Variants in PRELID2 observed in about 807,000 individuals in gnomAD.
The protein encoded by PRELID2 is PRELI domain-containing protein 2.
In PRELID2, 25 loss-of-function variants were observed where a neutral mutation model predicts 28.4. That is an observed-to-expected ratio of 0.88 (90% CI 0.64 to 1.23). PRELID2 has a LOEUF of 1.23. Among genes scored for constraint, PRELID2 ranks in the 50% most tolerant of loss-of-function variants. PRELID2 has a pLI of 0.00. For synonymous variants in PRELID2, 76 were observed against 71.6 expected, an observed-to-expected ratio of 1.06 and a Z score of -0.31; for missense variants, 201 against 214.4, an observed-to-expected ratio of 0.94 and a Z score of 0.39.
chr5:145,424,392 C>T, the PRELID2 span, among the ~76,000 whole-genome samples: 4 of 152,208 alleles, frequency 2.6e-5, no homozygotes, highest in African/African-American at 2.4e-5. Flanking sequence ...AGCGAGACTC[C>T]GTGAGCGTTG....
At chr5:145,746,491 T>C (rs1053251120) in intron 1 of PRELID2, among the ~76,000 whole-genome samples, 3 of 152,076 alleles carry the variant, frequency 2.0e-5, no homozygotes, top group African/African-American at 7.2e-5. Context: ...CTGTTCTAAA[T>C]ATATATATGT....
intron 5 of PRELID2, among the ~76,000 whole-genome samples, chr5:145,772,752 A>G (rs1363311536): frequency 6.6e-6 from 1 of 152,248 alleles, no homozygotes; most frequent in African/African-American, 2.4e-5. Flanking sequence ...TAGCAGGTAC[A>G]TAGCAAGAGC....
the PRELID2 span, among the ~76,000 whole-genome samples, chr5:145,370,624 C>T: frequency 3.3e-5 from 5 of 151,780 alleles, no homozygotes; most frequent in Admixed American, 6.6e-5. Context: ...TGATTCCGTA[C>T]GAAATTTAAA....
chr5:145,391,730 AC>A, the PRELID2 span, among the ~76,000 whole-genome samples: 1 of 151,238 alleles, frequency 6.6e-6, no homozygotes, highest in African/African-American at 2.4e-5. Flanking sequence ...GATTTTTCAA[AC>A]CTTTATGCTC....
the PRELID2 span, among the ~76,000 whole-genome samples, chr5:145,235,026 G>A: frequency 6.6e-6 from 1 of 152,068 alleles, no homozygotes; most frequent in South Asian, 2.1e-4. Context: ...GTAATATTTT[G>A]TATCAAAGGG....
At chr5:145,356,378 TC>T in the PRELID2 span, among the ~76,000 whole-genome samples, 1 of 152,022 alleles carries the variant, frequency 6.6e-6, no homozygotes, top group Non-Finnish European at 1.5e-5. Flanking sequence ...TAAAATAATA[TC>T]CCGCTATTAT....
At chr5:145,596,710 T>A (rs995831424) in intron 1 of PRELID2, among the ~76,000 whole-genome samples, 6 of 152,140 alleles carry the variant, frequency 3.9e-5, no homozygotes, top group Non-Finnish European at 7.4e-5. Context: ...ACATCAGAGT[T>A]CGTACATGAG....
chr5:145,583,785 A>G (rs955598591), intron 1 of PRELID2, among the ~76,000 whole-genome samples: 3 of 152,160 alleles, frequency 2.0e-5, no homozygotes, highest in Non-Finnish European at 2.9e-5. Context: ...CCAAGAAATC[A>G]GAAAGGACAC....
the PRELID2 span, among the ~76,000 whole-genome samples, chr5:145,280,772 C>T: frequency 6.7e-5 from 10 of 148,608 alleles, no homozygotes; most frequent in African/African-American, 2.0e-4. Context: ...TCTTGTGGAA[C>T]CTTTTAGTAA....
At chr5:145,521,384 A>G (rs1752561850) in intron 1 of PRELID2, among the ~76,000 whole-genome samples, 1 of 152,162 alleles carries the variant, frequency 6.6e-6, no homozygotes. Flanking sequence ...GGGCCTGTTA[A>G]TGCTTGAATG....
chr5:145,708,985 G>A (rs914495606), intron 1 of PRELID2, among the ~76,000 whole-genome samples: 1 of 152,230 alleles, frequency 6.6e-6, no homozygotes, highest in African/African-American at 2.4e-5. Flanking sequence ...GTTGTGAGAT[G>A]CATGAGCTTT....
intron 1 of PRELID2, among the ~76,000 whole-genome samples, chr5:145,613,645 A>T (rs1255855044): frequency 6.6e-6 from 1 of 151,934 alleles, no homozygotes; most frequent in East Asian, 1.9e-4. Flanking sequence ...AGAATTGTCT[A>T]TTCTTAACCC....
At chr5:145,238,759 T>C in the PRELID2 span, among the ~76,000 whole-genome samples, 1 of 152,054 alleles carries the variant, frequency 6.6e-6, no homozygotes, top group Admixed American at 6.6e-5. Flanking sequence ...CCACAATCCA[T>C]ACATTTCTAA....
chr5:145,298,400 G>T, the PRELID2 span, among the ~76,000 whole-genome samples: 2 of 152,108 alleles, frequency 1.3e-5, no homozygotes, highest in Non-Finnish European at 2.9e-5. Context: ...ATGGTGCTGG[G>T]AAAACTGGCT....
At chr5:145,378,662 G>C in the PRELID2 span, among the ~76,000 whole-genome samples, 1 of 151,990 alleles carries the variant, frequency 6.6e-6, no homozygotes. Flanking sequence ...TTCTATACTG[G>C]CTATTTTGTC....
chr5:145,774,719 C>G (rs1016015150), intron 5 of PRELID2, among the ~76,000 whole-genome samples: 2 of 152,208 alleles, frequency 1.3e-5, no homozygotes, highest in African/African-American at 4.8e-5. Context: ...TTAGGCCCAG[C>G]AGGGTAAACC....
chr5:145,329,109 G>A, the PRELID2 span, among the ~76,000 whole-genome samples: 1 of 152,036 alleles, frequency 6.6e-6, no homozygotes, highest in Non-Finnish European at 1.5e-5. Context: ...TATTTCTGAA[G>A]CCTCTGTTCT....
the PRELID2 span, among the ~76,000 whole-genome samples, chr5:145,447,860 C>G: frequency 6.8e-6 from 1 of 146,472 alleles, no homozygotes; most frequent in African/African-American, 2.5e-5. Context: ...TTTTCTTAAT[C>G]CAGTCTATCA....
At chr5:145,466,003 G>C in the PRELID2 span, among the ~76,000 whole-genome samples, 1 of 152,010 alleles carries the variant, frequency 6.6e-6, no homozygotes, top group Non-Finnish European at 1.5e-5. Context: ...ATTATCCTTT[G>C]GAAATTTTCC....
Sources: gnomAD v4.1 joint callset for allele counts (sites outside exome capture counted in the v4.1 genomes callset) on GRCh38, gnomAD v4.1.1 for gene constraint, MANE v1.5 for transcripts, NCBI Gene and HGNC (gene_info 2026-07-23, HGNC 2026-07-21) for gene names.